The following SHISA9 variants were observed in gnomAD, a reference collection of about 807,000 sequenced individuals.
SHISA9 encodes the protein shisa family member 9.
In SHISA9, 13 loss-of-function variants were observed where a neutral mutation model predicts 38.0. That is an observed-to-expected ratio of 0.34 (90% confidence interval 0.22 to 0.54). The LOEUF (loss-of-function observed/expected upper bound fraction) is 0.54, where lower values mean the gene tolerates loss of function less well. Ranked by LOEUF, SHISA9 falls within the 20% of genes least tolerant of loss-of-function variation. The pLI, the probability that SHISA9 is intolerant of heterozygous loss-of-function variation, is 0.91. For missense variants in SHISA9, 538 were observed against 575.8 expected (o/e 0.93, Z 0.67); for synonymous variants, 275 against 242.0 (o/e 1.14, Z -1.27).
At chr16:13,279,665 G>A in the SHISA9 span, among the ~76,000 whole-genome samples, 6 of 151,924 alleles carry the variant, frequency 3.9e-5, no homozygotes, top group East Asian at 1.2e-3. Context: ...AAGATGTCCA[G>A]GCAGTCGATA....
chr16:13,321,256 T>C, the SHISA9 span, among the ~76,000 whole-genome samples: 1 of 152,204 alleles, frequency 6.6e-6, no homozygotes, highest in Non-Finnish European at 1.5e-5. Flanking sequence ...ATCTGTGAGG[T>C]CAGAGATCAT....
chr16:13,226,988 G>C (rs1402910179), intron 4 of SHISA9, among the ~76,000 whole-genome samples: 1 of 152,162 alleles, frequency 6.6e-6, no homozygotes, highest in African/African-American at 2.4e-5. Context: ...AAGTATTTTG[G>C]TCATTCTTGG....
At chr16:13,342,142 T>G in the SHISA9 span, among the ~76,000 whole-genome samples, 53 of 152,296 alleles carry the variant, frequency 3.5e-4, no homozygotes, top group African/African-American at 1.2e-3. Flanking sequence ...TCTCCCTGAT[T>G]ACATGCTTAC....
At chr16:13,528,830 T>A in the SHISA9 span, among the ~76,000 whole-genome samples, 2 of 152,208 alleles carry the variant, frequency 1.3e-5, no homozygotes, top group East Asian at 3.8e-4. Context: ...ATAAAAGTGG[T>A]CACAGCTCCT....
At chr16:13,164,805 TG>T (rs1234995511) in intron 2 of SHISA9, among the ~76,000 whole-genome samples, 2 of 152,166 alleles carry the variant, frequency 1.3e-5, no homozygotes, top group Non-Finnish European at 2.9e-5. Flanking sequence ...TTTCTGTTAT[TG>T]GTTTCTAATT....
At chr16:13,257,691 T>G in the SHISA9 span, among the ~76,000 whole-genome samples, 168 of 152,336 alleles carry the variant, frequency 1.1e-3, no homozygotes, top group African/African-American at 2.7e-3. Context: ...CATGGCTATA[T>G]GAGTGTCCAC....
intron 1 of SHISA9, among the ~76,000 whole-genome samples, chr16:12,913,075 C>G (rs753691450): frequency 3.3e-5 from 5 of 152,028 alleles, no homozygotes; most frequent in Admixed American, 6.5e-5. Context: ...AAAAAGTATA[C>G]AGTTCAGTGG....
At chr16:12,929,124 A>G (rs1392143042) in intron 2 of SHISA9, among the ~76,000 whole-genome samples, 1 of 152,240 alleles carries the variant, frequency 6.6e-6, no homozygotes, top group Non-Finnish European at 1.5e-5. Context: ...GCTATTATTA[A>G]AAAGTCAAAG....
In SHISA9 at chr16:12,902,227, A is replaced by C. The variant is rs1487130068; in HGVS notation, c.163A>C (p.Ser55Arg). The change falls in exon 1 of 5, where the codon AGC becomes CGC. Residue 55 changes from serine to arginine, a missense_variant. Ser to Arg is a moderately radical substitution (Grantham distance 110, BLOSUM62 -1). Transcript: ENST00000558583. ...NRSGAASGEA[S>R]EGAEASDAPP... ...CTCCGGGGCCGCCTCCGGAGAGGCC[A>C]GCGAGGGCGCTGAGGCATCGGACGC... 3.9e-6 allele frequency: 6 copies of C among 1,539,556 alleles called. No homozygotes were observed. The highest frequency in any genetic ancestry group is 5.2e-6 in the Non-Finnish European group (6 of 1,145,782).
At chr16:13,332,470 C>T in the SHISA9 span, 5 of 152,214 alleles carry the variant, frequency 3.3e-5, no homozygotes, top group African/African-American at 1.2e-4. Flanking sequence ...GAGATCGTCA[C>T]TGGGAAATGA....
chr16:13,047,560 A>C (rs1043613740), intron 2 of SHISA9, among the ~76,000 whole-genome samples: 1 of 152,074 alleles, frequency 6.6e-6, no homozygotes, highest in Non-Finnish European at 1.5e-5. Context: ...TGTCTTTTTG[A>C]TGGTTGCTTT....
chr16:13,094,075 C>G (rs1019671262), intron 2 of SHISA9, among the ~76,000 whole-genome samples: 1 of 152,136 alleles, frequency 6.6e-6, no homozygotes, highest in Non-Finnish European at 1.5e-5. Flanking sequence ...TGTCTTGGTA[C>G]TTTTCCATTC....
At chr16:13,260,007 C>CTTTTTTTTTTTTTTTTTTTTTT in the SHISA9 span, among the ~76,000 whole-genome samples, 123 of 60,448 alleles carry the variant, frequency 2.0e-3, 21 homozygotes, top group Non-Finnish European at 2.5e-3. Flanking sequence ...TTCTTTCTTT[C>CTTTTTTTTTTTTTTTTTTTTTT]TTTTTTTTTT....
chr16:13,202,214 TG>T (rs2051012767), intron 2 of SHISA9, among the ~76,000 whole-genome samples: 1 of 129,340 alleles, frequency 7.7e-6, no homozygotes, highest in South Asian at 2.4e-4. Flanking sequence ...ATTCTCTAGC[TG>T]TGCATGGCCA....
chr16:12,925,019 G>A (rs1596532153), intron 2 of SHISA9, among the ~76,000 whole-genome samples: 1 of 152,248 alleles, frequency 6.6e-6, no homozygotes, highest in East Asian at 1.9e-4. Context: ...TACTAATATT[G>A]TTTGTAGAAT....
chr16:13,175,008 T>G (rs1420170493), intron 2 of SHISA9, among the ~76,000 whole-genome samples: 2 of 152,180 alleles, frequency 1.3e-5, no homozygotes, highest in Non-Finnish European at 2.9e-5. Flanking sequence ...TGAAATAATC[T>G]CAGCTTCAGT....
chr16:13,456,036 G>A, the SHISA9 span, among the ~76,000 whole-genome samples: 7 of 152,130 alleles, frequency 4.6e-5, no homozygotes, highest in Non-Finnish European at 8.8e-5. Flanking sequence ...TCTTGAGAAA[G>A]ACAAACAAAT....
At chr16:13,037,129 C>G (rs974060792) in intron 2 of SHISA9, among the ~76,000 whole-genome samples, 10 of 147,760 alleles carry the variant, frequency 6.8e-5, no homozygotes, top group South Asian at 2.4e-4. Flanking sequence ...CACACACACA[C>G]ACACACACAC....
the SHISA9 span, among the ~76,000 whole-genome samples, chr16:13,315,519 A>T: frequency 6.6e-6 from 1 of 152,226 alleles, no homozygotes; most frequent in Non-Finnish European, 1.5e-5. Flanking sequence ...TTGGGGCTAC[A>T]ACATGAAGTG....
Sources: gnomAD v4.1 joint callset for allele counts (sites outside exome capture counted in the v4.1 genomes callset) on GRCh38, gnomAD v4.1.1 for gene constraint, MANE v1.5 for transcripts, NCBI Gene and HGNC (gene_info 2026-07-23, HGNC 2026-07-21) for gene names.